The following EPB41L4A variants were observed in gnomAD, a reference collection of about 807,000 sequenced individuals.
The protein encoded by EPB41L4A is band 4.1-like protein 4A.
In EPB41L4A, 100 loss-of-function variants were observed where a neutral mutation model predicts 108.6. The ratio of observed to expected loss-of-function variants is 0.92; its 90% CI spans 0.78 to 1.09. The LOEUF is 1.09. Ranked by LOEUF, EPB41L4A falls within the 50% of genes least tolerant of loss-of-function variation. The probability of loss-of-function intolerance (pLI) is 0.00; values close to 1 mark genes in which losing one functional copy is unlikely to be tolerated. For synonymous variants in EPB41L4A, 319 were observed against 289.0 expected, an observed-to-expected ratio of 1.10 and a Z score of -1.05; for missense variants, 1,030 against 842.7, an observed-to-expected ratio of 1.22 and a Z score of -2.75.
chr5:112,357,190 C>T (rs1758410322), intron 1 of EPB41L4A, among the ~76,000 whole-genome samples: 1 of 152,072 alleles, frequency 6.6e-6, no homozygotes, highest in African/African-American at 2.4e-5. Context: ...AAAGCCATAC[C>T]CCTTTTCTGG....
In EPB41L4A at chr5:112,348,100, A is replaced by G. The variant is rs821751; in HGVS notation, c.100-40610T>C. 5.1e-3 allele frequency among the ~76,000 whole-genome samples: 782 copies of G among 152,294 alleles called. 13 individuals carry two copies. Among genetic ancestry groups the G allele is most frequent in the African/African-American group, 0.017 (707 of 41,552 alleles). ...AAACTCAAATGCTCAAGATAAGCCA[A>G]CATGTGCCCTACCTATTACACTTTT... On this transcript the variant is annotated intron_variant, in intron 1 of 22. Coordinates refer to ENST00000261486, the MANE Select transcript of EPB41L4A (RefSeq NM_022140.5).
At chr5:112,385,079 C>G (rs1422128963) in intron 1 of EPB41L4A, among the ~76,000 whole-genome samples, 3 of 152,088 alleles carry the variant, frequency 2.0e-5, no homozygotes, top group African/African-American at 7.2e-5. Context: ...CAGGCGAAGC[C>G]CTTGCCAGCA....
At position 112,169,089 on chromosome 5, in the gene EPB41L4A, T is replaced by C. The variant is rs201545233; in HGVS notation, c.1756A>G (p.Ile586Val). Residue 586 changes from isoleucine to valine, a missense_variant, in exon 21 of 23, where the codon ATC becomes GTC. Physicochemically the swap from Ile to Val is conservative, Grantham distance 29. Transcript: ENST00000261486. Reference sequence around the variant, plus strand: ...GGCGAATGAGAATGCCTGATGCGGATTGGGTCACCTTGTGTCCTGAACAAG... The same window carrying C: ...GGCGAATGAGAATGCCTGATGCGGACTGGGTCACCTTGTGTCCTGAACAAG... ...YTKIETQGDP[I>V]RIRHSHSPRS... 225 of 1,613,762 alleles carry C rather than the reference T, an allele frequency of 1.4e-4. No homozygotes were observed. The African/African-American group carries it at 2.5e-3, about 18-fold the overall frequency.
At chr5:112,200,709 C>G (rs965905307) in intron 15 of EPB41L4A, among the ~76,000 whole-genome samples, 1 of 152,158 alleles carries the variant, frequency 6.6e-6, no homozygotes, top group South Asian at 2.1e-4. Context: ...AACAAGCAGG[C>G]TTCAGGGTCT....
chr5:112,321,000 G>T (rs529417762), intron 1 of EPB41L4A, among the ~76,000 whole-genome samples: 2 of 152,332 alleles, frequency 1.3e-5, no homozygotes, highest in Admixed American at 6.5e-5. Flanking sequence ...TTTCCTGAAA[G>T]GTTGAAAGAA....
rs368248824 is a variant in EPB41L4A at position 112,387,937 on chromosome 5, GT to G, written c.99+31003del. Among the ~76,000 whole-genome samples the G allele has an allele frequency of 3.9e-4, 59 of 152,194 alleles. No homozygotes were observed. In the East Asian group the frequency reaches 0.01, roughly 26 times the overall value. On this transcript the variant is annotated intron_variant, in intron 1 of 22. Transcript: ENST00000261486. ...AAGAAATGTAAAAGTTACCCACCAAGTTTTTAATAACAATAAAAGAAAAAGG... is the reference window on the plus strand; with the variant it reads ...AAGAAATGTAAAAGTTACCCACCAAGTTTTAATAACAATAAAAGAAAAAGG...
At chr5:112,217,169 C>A (rs4957638) in intron 12 of EPB41L4A, among the ~76,000 whole-genome samples, 11,691 of 152,114 alleles carry the variant, frequency 0.077, 513 homozygotes, top group African/African-American at 0.1. Flanking sequence ...GTCTTGAACT[C>A]CTGACCTCAG....
chr5:112,311,973 CAA>C (rs1377296851), intron 1 of EPB41L4A, among the ~76,000 whole-genome samples: 1 of 152,044 alleles, frequency 6.6e-6, no homozygotes, highest in Non-Finnish European at 1.5e-5. Context: ...GGTTCGTGAA[CAA>C]AGAGGAAACA....
At chr5:112,215,867 T>G (rs774313786) in intron 12 of EPB41L4A, among the ~76,000 whole-genome samples, 3 of 152,128 alleles carry the variant, frequency 2.0e-5, no homozygotes, top group Non-Finnish European at 1.5e-5. Context: ...TGCTATCATT[T>G]ATTAATGAGC....
chr5:112,171,774 A>G (rs77783227), intron 18 of EPB41L4A, among the ~76,000 whole-genome samples: 6,033 of 152,330 alleles, frequency 0.04, 432 homozygotes, highest in African/African-American at 0.14. Context: ...TTGACACAGA[A>G]TGATTTTTCT....
chr5:112,217,517 A>G (rs1216437338), intron 12 of EPB41L4A, among the ~76,000 whole-genome samples: 2 of 152,086 alleles, frequency 1.3e-5, no homozygotes, highest in Admixed American at 1.3e-4. Flanking sequence ...TGGGCAACAT[A>G]GTGAGACCTA....
chr5:112,399,768 C>A (rs949266422), intron 1 of EPB41L4A, among the ~76,000 whole-genome samples: 3 of 152,200 alleles, frequency 2.0e-5, no homozygotes, highest in Admixed American at 2.0e-4. Context: ...CCTAGTAACA[C>A]CAACTGTATG....
chr5:112,250,143 C>T (rs1316046868), intron 9 of EPB41L4A, among the ~76,000 whole-genome samples: 3 of 152,118 alleles, frequency 2.0e-5, no homozygotes, highest in East Asian at 1.9e-4. Flanking sequence ...TGCATGTATA[C>T]TTCACAGTGT....
chr5:112,401,950 T>G (rs1224714267), intron 1 of EPB41L4A, among the ~76,000 whole-genome samples: 2 of 152,194 alleles, frequency 1.3e-5, no homozygotes, highest in Non-Finnish European at 2.9e-5. Flanking sequence ...AATGGTGCAT[T>G]TTGTTGTCAC....
At chr5:112,166,405 G>A (rs1469801997) in intron 22 of EPB41L4A, among the ~76,000 whole-genome samples, 2 of 152,128 alleles carry the variant, frequency 1.3e-5, no homozygotes, top group African/African-American at 4.8e-5. Flanking sequence ...TGTGTTATCT[G>A]CCTTTCCCCT....
intron 1 of EPB41L4A, among the ~76,000 whole-genome samples, chr5:112,345,776 TATATACACACAC>T (rs1225291561): frequency 5.8e-4 from 23 of 39,718 alleles, no homozygotes; most frequent in Middle Eastern, 0.013. Context: ...TACATATATA[TATATACACACAC>T]ACACACACAC....
At chr5:112,202,093 A>G (rs1762248773) in intron 15 of EPB41L4A, among the ~76,000 whole-genome samples, 1 of 152,190 alleles carries the variant, frequency 6.6e-6, no homozygotes, top group Non-Finnish European at 1.5e-5. Context: ...TTAGATCTGA[A>G]GGCAGAGAAC....
At chr5:112,186,089 A>C (rs1404813793) in intron 17 of EPB41L4A, among the ~76,000 whole-genome samples, 1 of 152,184 alleles carries the variant, frequency 6.6e-6, no homozygotes, top group East Asian at 1.9e-4. Flanking sequence ...CACAAAACTC[A>C]GGTCTCCTAA....
At chr5:112,395,925 G>A (rs907755044) in intron 1 of EPB41L4A, among the ~76,000 whole-genome samples, 3 of 152,138 alleles carry the variant, frequency 2.0e-5, no homozygotes, top group African/African-American at 7.2e-5. Flanking sequence ...CATAAAAAAG[G>A]ATGATGAGTT....
Sources: gnomAD v4.1 joint callset for allele counts (sites outside exome capture counted in the v4.1 genomes callset) on GRCh38, gnomAD v4.1.1 for gene constraint, MANE v1.5 for transcripts, NCBI Gene and HGNC (gene_info 2026-07-23, HGNC 2026-07-21) for gene names.